The following HLF variants were observed in gnomAD, a reference collection of about 807,000 sequenced individuals.
HLF encodes HLF transcription factor, PAR bZIP family member, also known as hepatic leukemia factor.
HLF carries 3 observed loss-of-function variants against 22.6 expected under a neutral mutation model. The ratio of observed to expected loss-of-function variants is 0.13; its 90% confidence interval spans 0.06 to 0.34. The LOEUF (loss-of-function observed/expected upper bound fraction) is 0.34. HLF is among the 10% of genes least tolerant of loss of function. The probability of loss-of-function intolerance (pLI) is 1.00; values close to 1 mark genes in which losing one functional copy is unlikely to be tolerated. For synonymous variants in HLF, 151 were observed against 151.8 expected (o/e 0.99, Z 0.04); for missense variants, 299 against 389.2 (o/e 0.77, Z 1.95).
chr17:55,322,762 G>A lies in HLF; in HGVS notation c.*1883G>A, dbSNP rs1477859453. The A allele has an allele frequency of 4.4e-6, 1 of 225,276 alleles. No individual in the cohort carries two copies. Among genetic ancestry groups the A allele is most frequent in the African/African-American group, 2.2e-5 (1 of 44,902 alleles). 14.0% of individuals were successfully genotyped at this position (225,276 alleles called of 1,614,324 possible). On this transcript the variant is annotated 3_prime_UTR_variant, in exon 4 of 4. Transcript: ENST00000226067. Reference sequence around the variant, plus strand: ...TTCACTTCGAAATTCTGAGTTCCTGGAATGGCACGTTGCTGCCAGTGCCCC... The same window carrying A: ...TTCACTTCGAAATTCTGAGTTCCTGAAATGGCACGTTGCTGCCAGTGCCCC...
At position 55,265,081 on chromosome 17, in the gene HLF, C is replaced by T. The variant is rs1343868402; in HGVS notation, c.-404C>T. ...GAGGGGGGTGGGGTGGGACGGCGCACCGCCTCCGGTGCTGGCACTAGGGGC... is the reference window on the plus strand; with the variant it reads ...GAGGGGGGTGGGGTGGGACGGCGCATCGCCTCCGGTGCTGGCACTAGGGGC... On this transcript the variant is annotated 5_prime_UTR_variant, in exon 1 of 4. Coordinates refer to ENST00000226067, the MANE Select transcript of HLF (RefSeq NM_002126.5). 2 of 188,326 alleles carry T rather than the reference C, an allele frequency of 1.1e-5. No individual in the cohort carries two copies. Among genetic ancestry groups the T allele is most frequent in the East Asian group, 8.2e-5 (1 of 12,146 alleles). 11.7% of individuals were successfully genotyped at this position (188,326 alleles called of 1,614,324 possible).
In HLF at chr17:55,321,912, C is replaced by T. The variant is rs1017436519; in HGVS notation, c.*1033C>T. On this transcript the variant is annotated 3_prime_UTR_variant, in exon 4 of 4. Transcript: ENST00000226067. ...CCCCCACTTTTCTAGTTAACTTTTT[C>T]CATATCCCTCTTGACATTCAAAACA... 8.7e-6 allele frequency: 2 copies of T among 230,772 alleles called. No homozygotes were observed. The highest frequency in any genetic ancestry group is 1.7e-5 in the Non-Finnish European group (2 of 116,082). 14.3% of individuals were successfully genotyped at this position (230,772 alleles called of 1,614,324 possible). A position where few individuals can be genotyped will look rare whatever the true frequency, so the allele number is the denominator to read the frequency against.
rs1331379832 is a variant in HLF, at chr17:55,294,289, A to C, written c.452-20938A>C. On this transcript the variant is annotated intron_variant, in intron 2 of 3. Coordinates refer to ENST00000226067, the MANE Select transcript of HLF (RefSeq NM_002126.5). Reference sequence around the variant, plus strand: ...TGGTCAAGAGAATGTGTCTTTCACGAATAGATTTTCTCCTTCGACCATGGT... The same window carrying C: ...TGGTCAAGAGAATGTGTCTTTCACGCATAGATTTTCTCCTTCGACCATGGT... 3.3e-5 allele frequency among the ~76,000 whole-genome samples: 5 copies of C among 152,354 alleles called. No homozygotes were observed. In the East Asian group the frequency reaches 7.7e-4, roughly 24 times the overall value.
chr17:55,313,370 G>A (rs1904925973), intron 2 of HLF, among the ~76,000 whole-genome samples: 1 of 151,826 alleles, frequency 6.6e-6, no homozygotes, highest in African/African-American at 2.4e-5. Flanking sequence ...GTGTGTGTGT[G>A]TGTGTGTGTG....
intron 2 of HLF, among the ~76,000 whole-genome samples, chr17:55,300,876 GA>G (rs1243046838): frequency 6.6e-6 from 1 of 152,174 alleles, no homozygotes; most frequent in Non-Finnish European, 1.5e-5. Context: ...TTCTCTTGAG[GA>G]TAGAACCTGA....
chr17:55,266,941 T>C (rs2080797678), intron 1 of HLF: 1 of 252,056 alleles, frequency 4.0e-6, no homozygotes, highest in Non-Finnish European at 6.3e-6. Flanking sequence ...GTTTTGTAAA[T>C]GCATACTCTT....
At position 55,307,262 on chromosome 17, in the gene HLF, T is replaced by C. The variant is rs188788063; in HGVS notation, c.452-7965T>C. On this transcript the variant is annotated intron_variant, in intron 2 of 3. Coordinates refer to ENST00000226067, the MANE Select transcript of HLF (RefSeq NM_002126.5). ...TCCACCTCACAGGTTCAGGTGATTC[T>C]CCTGCCTCAGCCTCCCAAGTAGCTG... Among the ~76,000 whole-genome samples, 36 of 149,114 alleles carry C rather than the reference T, an allele frequency of 2.4e-4. 1 individual carries two copies. Among genetic ancestry groups the C allele is most frequent in the African/African-American group, 8.8e-4 (36 of 40,766 alleles).
intron 2 of HLF, among the ~76,000 whole-genome samples, chr17:55,298,656 G>A (rs1373138614): frequency 6.6e-6 from 1 of 152,156 alleles, no homozygotes; most frequent in Non-Finnish European, 1.5e-5. Flanking sequence ...GTAAAGCAAG[G>A]CTGAATTACT....
intron 2 of HLF, among the ~76,000 whole-genome samples, chr17:55,288,711 G>A (rs1192680844): frequency 2.0e-5 from 3 of 150,206 alleles, no homozygotes. Context: ...AGCTGAGATT[G>A]CGCCACTGTA....
intron 2 of HLF, among the ~76,000 whole-genome samples, chr17:55,308,059 T>C (rs1904662799): frequency 6.6e-6 from 1 of 152,140 alleles, no homozygotes; most frequent in South Asian, 2.1e-4. Flanking sequence ...AAGGCCAGTG[T>C]GGCCAAGTGT....
At chr17:55,295,617 G>A (rs1471142584) in intron 2 of HLF, among the ~76,000 whole-genome samples, 1 of 152,224 alleles carries the variant, frequency 6.6e-6, no homozygotes, top group Non-Finnish European at 1.5e-5. Flanking sequence ...GACAGTTGCT[G>A]TGGCAACACA....
chr17:55,295,205 G>T (rs10852974), intron 2 of HLF, among the ~76,000 whole-genome samples: 3 of 152,174 alleles, frequency 2.0e-5, no homozygotes, highest in Non-Finnish European at 2.9e-5. Context: ...GAGGGAAGAT[G>T]GGAGATGATC....
intron 2 of HLF, among the ~76,000 whole-genome samples, chr17:55,283,277 T>C (rs971186885): frequency 2.0e-5 from 3 of 152,108 alleles, no homozygotes; most frequent in African/African-American, 7.2e-5. Flanking sequence ...CTGCCTGTGA[T>C]AGTAGGTTTC....
intron 1 of HLF, among the ~76,000 whole-genome samples, chr17:55,267,205 A>G (rs1161065496): frequency 2.0e-5 from 3 of 152,194 alleles, no homozygotes. Context: ...TTGAGATAAT[A>G]TATGGAAAGA....
intron 2 of HLF, among the ~76,000 whole-genome samples, chr17:55,288,267 C>T (rs571216485): frequency 2.6e-5 from 4 of 152,206 alleles, no homozygotes. Flanking sequence ...CCTGCCTCAG[C>T]CTCCCGAGTA....
intron 2 of HLF, among the ~76,000 whole-genome samples, chr17:55,314,395 C>G (rs1904980408): frequency 6.6e-6 from 1 of 152,224 alleles, no homozygotes; most frequent in Non-Finnish European, 1.5e-5. Flanking sequence ...ATCACAACAG[C>G]CTTGCATCTC....
intron 2 of HLF, among the ~76,000 whole-genome samples, chr17:55,291,800 G>A (rs192675308): frequency 3.6e-4 from 55 of 152,306 alleles, no homozygotes; most frequent in African/African-American, 1.2e-3. Flanking sequence ...TCTAGAAGCC[G>A]TTAAAAACAT....
chr17:55,314,244 T>C (rs1033701208), intron 2 of HLF, among the ~76,000 whole-genome samples: 3 of 152,256 alleles, frequency 2.0e-5, no homozygotes, highest in South Asian at 2.1e-4. Context: ...TGGATGTTTG[T>C]GCATTTCAGT....
chr17:55,280,347 T>G (rs552843881), intron 2 of HLF, among the ~76,000 whole-genome samples: 1 of 152,264 alleles, frequency 6.6e-6, no homozygotes, highest in Admixed American at 6.5e-5. Context: ...TCAAACACCA[T>G]TTGTGGTCCT....
Sources: gnomAD v4.1 joint callset for allele counts (sites outside exome capture counted in the v4.1 genomes callset) on GRCh38, gnomAD v4.1.1 for gene constraint, MANE v1.5 for transcripts, NCBI Gene and HGNC (gene_info 2026-07-23, HGNC 2026-07-21) for gene names.